MAP3K19: variants seen among roughly 807,000 people sequenced by gnomAD.
MAP3K19 encodes the protein mitogen-activated protein kinase kinase kinase 19.
Under a neutral mutation model 114.4 loss-of-function variants are expected in MAP3K19, and 91 were observed. The ratio of observed to expected loss-of-function variants is 0.80; its 90% CI spans 0.67 to 0.95. MAP3K19 has a LOEUF of 0.95. MAP3K19 is among the 40% of genes least tolerant of loss of function. The pLI is 0.00. For synonymous variants in MAP3K19, 518 were observed against 530.5 expected, an observed-to-expected ratio of 0.98 and a Z score of 0.32; for missense variants, 1,471 against 1,573.2, an observed-to-expected ratio of 0.94 and a Z score of 1.10.
chr2:134,985,985 C>A lies in MAP3K19; in HGVS notation c.2887G>T (p.Glu963Ter), dbSNP rs1685066851. 5.6e-6 allele frequency: 9 copies of A among 1,613,486 alleles called. No individual in the cohort carries two copies. The highest frequency in any genetic ancestry group is 6.8e-6 in the Non-Finnish European group (8 of 1,179,658). The stretch of plus-strand genomic sequence containing the variant: ...CCTAATAGTTCATCTGTCAATTCTT[C>A]ATTATTTACAGAGTCCATAATTTCT... ...SQEIMDSVNN[E>*]ELTDELLGCL... The change falls in exon 10 of 13, where the codon GAA (glutamate) becomes TAA (stop). Residue 963 changes from glutamate to a stop codon, truncating the protein, a stop_gained. Coordinates refer to ENST00000392915, the MANE Select transcript of MAP3K19 (RefSeq NM_025052.5). LOFTEE classifies it high-confidence loss of function.
chr2:135,046,575 C>A (rs552189334), intron 1 of MAP3K19, among the ~76,000 whole-genome samples: 59 of 152,308 alleles, frequency 3.9e-4, no homozygotes, highest in African/African-American at 1.2e-3. Context: ...CATGCCCGCC[C>A]CATTTAGAAC....
At chr2:134,974,469 C>A (rs542370584) in intron 12 of MAP3K19, among the ~76,000 whole-genome samples, 7 of 152,232 alleles carry the variant, frequency 4.6e-5, no homozygotes, top group African/African-American at 1.4e-4. Context: ...CTACAATGTA[C>A]CCTGGAGAAG....
At chr2:134,988,729 T>C (rs949487057) in intron 9 of MAP3K19, among the ~76,000 whole-genome samples, 7 of 151,856 alleles carry the variant, frequency 4.6e-5, no homozygotes, top group Non-Finnish European at 1.0e-4. Flanking sequence ...TTCCCAATAT[T>C]TTTTTTAGAA....
At chr2:135,023,890 G>GT (rs1688145013) in intron 4 of MAP3K19, among the ~76,000 whole-genome samples, 1 of 149,866 alleles carries the variant, frequency 6.7e-6, no homozygotes, top group South Asian at 2.1e-4. Context: ...TTTAGTGTCT[G>GT]TTTTATTGAA....
chr2:135,013,688 G>A (rs1257036240), intron 5 of MAP3K19, among the ~76,000 whole-genome samples: 1 of 151,956 alleles, frequency 6.6e-6, no homozygotes, highest in Non-Finnish European at 1.5e-5. Flanking sequence ...AACCTACAAT[G>A]GTCTTGCCAC....
intron 12 of MAP3K19, among the ~76,000 whole-genome samples, chr2:134,969,083 T>C (rs1161658816): frequency 1.3e-5 from 2 of 152,090 alleles, no homozygotes; most frequent in Non-Finnish European, 2.9e-5. Flanking sequence ...TGAACGAGAC[T>C]CCGTCTGCAA....
chr2:135,020,361 C>T (rs1419350408), intron 5 of MAP3K19, among the ~76,000 whole-genome samples: 2 of 152,116 alleles, frequency 1.3e-5, no homozygotes, highest in African/African-American at 4.8e-5. Context: ...GCTCTGTCAC[C>T]CAGGCTAGAG....
chr2:134,968,016 G>A (rs1428515282), intron 12 of MAP3K19, among the ~76,000 whole-genome samples: 2 of 152,138 alleles, frequency 1.3e-5, no homozygotes, highest in East Asian at 1.9e-4. Context: ...GCCTTCCGCA[G>A]TGTTTGTGTC....
intron 10 of MAP3K19, 52 bp downstream of exon 10, chr2:134,985,748 G>A (rs1034979529): frequency 5.5e-6 from 8 of 1,444,378 alleles, no homozygotes; most frequent in Non-Finnish European, 7.5e-6. Flanking sequence ...GAACCAGATT[G>A]TCTCTGAGGT....
chr2:135,018,714 T>C (rs1461044416), intron 5 of MAP3K19, among the ~76,000 whole-genome samples: 2 of 152,164 alleles, frequency 1.3e-5, no homozygotes, highest in Non-Finnish European at 2.9e-5. Context: ...GGAGGAAGTA[T>C]GGTCTTTTCA....
chr2:135,019,087 AAG>A (rs1207679941), intron 5 of MAP3K19, among the ~76,000 whole-genome samples: 18 of 152,256 alleles, frequency 1.2e-4, no homozygotes, highest in Admixed American at 2.6e-4. Flanking sequence ...CTCAAAAAAA[AAG>A]AAAAAAAAAA....
At chr2:135,038,049 G>C (rs1420472684) in intron 2 of MAP3K19, among the ~76,000 whole-genome samples, 2 of 152,098 alleles carry the variant, frequency 1.3e-5, no homozygotes, top group Non-Finnish European at 2.9e-5. Flanking sequence ...GAGTGAAAGG[G>C]CCTGAGAGAG....
Position 134,987,908 on chromosome 2 carries a change from T to C in MAP3K19, c.964A>G (p.Thr322Ala). Residue 322 changes from threonine to alanine, a missense_variant, in exon 10 of 13, where the codon ACT (threonine) becomes GCT (alanine). Physicochemically the swap from Thr to Ala is moderately conservative, Grantham distance 58. Transcript: ENST00000392915. ...EIEECNKIEITHFEKGQSLVS... is the reference protein window; with the variant it reads ...EIEECNKIEIAHFEKGQSLVS... Reference sequence around the variant, plus strand: ...AAAGACTGCCCTTTTTCAAAGTGAGTGATTTCAATTTTGTTACATTCTTCT... The same window carrying C: ...AAAGACTGCCCTTTTTCAAAGTGAGCGATTTCAATTTTGTTACATTCTTCT... The C allele has an allele frequency of 6.2e-7, 1 of 1,614,114 alleles. No individual in the cohort carries two copies. Among genetic ancestry groups the C allele is most frequent in the South Asian group, 1.1e-5 (1 of 91,078 alleles).
intron 2 of MAP3K19, among the ~76,000 whole-genome samples, chr2:135,034,770 G>A (rs1029748256): frequency 7.0e-6 from 1 of 142,722 alleles, no homozygotes; most frequent in African/African-American, 2.6e-5. Flanking sequence ...CTTCGGCTGG[G>A]CATCAGAGGG....
In MAP3K19 at chr2:135,005,415, C is replaced by A. The variant is rs749322522; in HGVS notation, c.235+20G>T. ...GATAATGTTATCTTTGTAAACACAT[C>A]AAGGAGTAAAGCCCAGTACCTTCTG... On this transcript the variant is annotated intron_variant, in intron 6 of 12. Transcript: ENST00000392915. 9 of 1,552,756 alleles carry A rather than the reference C, an allele frequency of 5.8e-6. 1 individual carries two copies. Among genetic ancestry groups the A allele is most frequent in the African/African-American group, 1.4e-5 (1 of 73,508 alleles).
chr2:134,994,536 G>T (rs183464201), intron 8 of MAP3K19, among the ~76,000 whole-genome samples: 35 of 152,234 alleles, frequency 2.3e-4, no homozygotes, highest in Admixed American at 1.0e-3. Context: ...TGGGGAGCTG[G>T]AGTGAAAATA....
rs1222228752 is a variant in MAP3K19, at chr2:135,034,173, G to A, written c.-283-3673C>T. ...GCTCCCCACATCTCAGGCGATGGGC[G>A]GCCGGGCAGAGACGCTCCTTACTTC... On this transcript the variant is annotated intron_variant, in intron 2 of 12. Transcript: ENST00000392915. 6.9e-5 allele frequency among the ~76,000 whole-genome samples: 7 copies of A among 101,546 alleles called. 1 individual carries two copies. Among genetic ancestry groups the A allele is most frequent in the Non-Finnish European group, 1.2e-4 (7 of 56,106 alleles). The allele number at this position is 101,546 out of a possible 152,430, so 66.6% of individuals were successfully genotyped here. A position where few individuals can be genotyped will look rare whatever the true frequency, so the allele number is the denominator to read the frequency against.
At chr2:135,006,258 G>A (rs894843632) in intron 5 of MAP3K19, among the ~76,000 whole-genome samples, 3 of 152,174 alleles carry the variant, frequency 2.0e-5, no homozygotes, top group African/African-American at 7.2e-5. Flanking sequence ...AACCATGATA[G>A]ATCCAAGTAA....
rs1270791044 is a variant in MAP3K19, at chr2:134,998,986, G to T, written c.326C>A (p.Ser109Ter). The change falls in exon 8 of 13, where the codon TCA becomes TAA. Residue 109 changes from serine to a stop codon, truncating the protein, a stop_gained. Coordinates refer to ENST00000392915, the MANE Select transcript of MAP3K19 (RefSeq NM_025052.5). LOFTEE classifies it high-confidence loss of function. Reference sequence around the variant, plus strand: ...TGCTTGTGCCCATTCTTGAAGCGATGAGTTTATCAGACTAAAGGGGGAGGG... The same window carrying T: ...TGCTTGTGCCCATTCTTGAAGCGATTAGTTTATCAGACTAAAGGGGGAGGG... Reference protein sequence around the residue: ...EDLKEKNLINSSLQEWAQAHA... With the variant: ...EDLKEKNLIN 1 of 1,611,836 alleles carries T rather than the reference G, an allele frequency of 6.2e-7. No individual in the cohort carries two copies. Among genetic ancestry groups the T allele is most frequent in the Non-Finnish European group, 8.5e-7 (1 of 1,179,552 alleles).
Sources: allele counts gnomAD v4.1 joint callset (sites outside exome capture counted in the v4.1 genomes callset), GRCh38; gene constraint gnomAD v4.1.1; transcripts MANE v1.5; gene names NCBI Gene and HGNC (gene_info 2026-07-23, HGNC 2026-07-21).